Variants in FBXL7 observed in about 807,000 individuals in gnomAD.
FBXL7 encodes the protein F-box and leucine rich repeat protein 7, also known as F-box/LRR-repeat protein 7.
Under a neutral mutation model 38.3 loss-of-function variants are expected in FBXL7, and 12 were observed. The ratio of observed to expected loss-of-function variants is 0.31; its 90% CI spans 0.20 to 0.51. FBXL7 has a LOEUF of 0.51. FBXL7 is among the 20% of genes least tolerant of loss of function. The probability of loss-of-function intolerance (pLI) is 0.98; values close to 1 mark genes in which losing one functional copy is unlikely to be tolerated. For missense variants in FBXL7, 567 were observed against 676.4 expected, an observed-to-expected ratio of 0.84 and a Z score of 1.79; for synonymous variants, 297 against 300.9, an observed-to-expected ratio of 0.99 and a Z score of 0.13.
chr5:15,763,555 T>C (rs1357118909), intron 2 of FBXL7, among the ~76,000 whole-genome samples: 1 of 152,204 alleles, frequency 6.6e-6, no homozygotes, highest in South Asian at 2.1e-4. Flanking sequence ...AGGAATTCCT[T>C]TGATGAAAGG....
intron 2 of FBXL7, among the ~76,000 whole-genome samples, chr5:15,801,634 A>AGTGT (rs71605509): frequency 0.05 from 7,396 of 147,634 alleles, 203 homozygotes; most frequent in African/African-American, 0.069. Context: ...AGGGGGAGTC[A>AGTGT]GTGTGTGTGT....
intron 2 of FBXL7, among the ~76,000 whole-genome samples, chr5:15,693,839 C>T (rs567932081): frequency 1.3e-5 from 2 of 152,282 alleles, no homozygotes; most frequent in South Asian, 4.1e-4. Flanking sequence ...CTTCCCACTC[C>T]ATCCCCCTTC....
intron 2 of FBXL7, among the ~76,000 whole-genome samples, chr5:15,651,366 A>G (rs574984411): frequency 2.0e-5 from 3 of 152,236 alleles, no homozygotes; most frequent in African/African-American, 7.2e-5. Context: ...AAGTGCTGGG[A>G]TTACAAGCGT....
chr5:15,560,053 T>G (rs1738367109), intron 1 of FBXL7, among the ~76,000 whole-genome samples: 1 of 152,196 alleles, frequency 6.6e-6, no homozygotes, highest in African/African-American at 2.4e-5. Flanking sequence ...TTACAAATAT[T>G]TGTACCTTCC....
intron 1 of FBXL7, among the ~76,000 whole-genome samples, chr5:15,527,962 C>T (rs780325549): frequency 7.9e-5 from 12 of 152,138 alleles, no homozygotes; most frequent in Non-Finnish European, 1.0e-4. Context: ...AGAGAAAAGC[C>T]GTTCTCTTGA....
At chr5:15,516,557 A>T (rs981839376) in intron 1 of FBXL7, among the ~76,000 whole-genome samples, 1 of 152,104 alleles carries the variant, frequency 6.6e-6, no homozygotes, top group Non-Finnish European at 1.5e-5. Flanking sequence ...TCTATTCTAG[A>T]TTGATATGGT....
intron 2 of FBXL7, among the ~76,000 whole-genome samples, chr5:15,897,435 G>C (rs891982379): frequency 4.6e-5 from 7 of 152,238 alleles, no homozygotes; most frequent in South Asian, 2.1e-4. Flanking sequence ...GGAGTTTACA[G>C]TCTGGTAGTA....
At chr5:15,731,591 GA>G (rs888525580) in intron 2 of FBXL7, among the ~76,000 whole-genome samples, 14 of 150,662 alleles carry the variant, frequency 9.3e-5, no homozygotes, top group East Asian at 1.9e-4. Flanking sequence ...GCTTTGGGAT[GA>G]AAAAAAAATG....
chr5:15,598,471 C>T (rs1278233130), intron 1 of FBXL7, among the ~76,000 whole-genome samples: 1 of 152,134 alleles, frequency 6.6e-6, no homozygotes, highest in Non-Finnish European at 1.5e-5. Context: ...GCTGCAGTTC[C>T]AACGTTTACC....
At chr5:15,571,129 A>G (rs1239427992) in intron 1 of FBXL7, among the ~76,000 whole-genome samples, 2 of 152,000 alleles carry the variant, frequency 1.3e-5, no homozygotes, top group South Asian at 2.1e-4. Flanking sequence ...AAACTTTAAA[A>G]TGTCAATGTT....
chr5:15,833,408 A>G (rs1738509265), intron 2 of FBXL7, among the ~76,000 whole-genome samples: 1 of 152,168 alleles, frequency 6.6e-6, no homozygotes, highest in Admixed American at 6.5e-5. Flanking sequence ...ATTTTCTAAT[A>G]CCATCACCGA....
intron 1 of FBXL7, among the ~76,000 whole-genome samples, chr5:15,565,532 TATA>T (rs1738542797): frequency 6.6e-6 from 1 of 150,678 alleles, no homozygotes; most frequent in Admixed American, 6.6e-5. Flanking sequence ...TATTCTTAAT[TATA>T]ATCTTTATAT....
intron 2 of FBXL7, among the ~76,000 whole-genome samples, chr5:15,889,299 C>A (rs2126370618): frequency 6.6e-6 from 1 of 152,290 alleles, no homozygotes; most frequent in African/African-American, 2.4e-5. Context: ...TGATACACCC[C>A]CAAACATCCC....
intron 2 of FBXL7, among the ~76,000 whole-genome samples, chr5:15,900,537 A>G (rs946858122): frequency 2.0e-5 from 3 of 152,302 alleles, no homozygotes; most frequent in Admixed American, 6.5e-5. Context: ...TACTTTCTCA[A>G]TGAAATTCTT....
rs374608484 is a variant in FBXL7 at position 15,888,612 on chromosome 5, TGTGA to T, written c.128-39275_128-39272del. Among the ~76,000 whole-genome samples, 126 of 152,176 alleles carry T rather than the reference TGTGA, an allele frequency of 8.3e-4. 1 individual carries two copies. The East Asian group carries it at 0.02, about 24-fold the overall frequency. ...TTTTGTAAAGTGATTTTTTAAACCA[TGTGA>T]GTACTTCAGTAGACCATTTGGTCAG... is the stretch of plus-strand genomic sequence containing the variant. On this transcript the variant is annotated intron_variant, in intron 2 of 3. Transcript: ENST00000504595.
chr5:15,708,801 G>T (rs1406221152), intron 2 of FBXL7, among the ~76,000 whole-genome samples: 1 of 152,176 alleles, frequency 6.6e-6, no homozygotes, highest in Non-Finnish European at 1.5e-5. Context: ...AACCAGAAGA[G>T]CATGTTAAGT....
chr5:15,801,772 T>A (rs909212522), intron 2 of FBXL7, among the ~76,000 whole-genome samples: 10 of 151,754 alleles, frequency 6.6e-5, no homozygotes, highest in African/African-American at 2.4e-4. Flanking sequence ...TTGTTTCTAC[T>A]TAACACTGCT....
At chr5:15,557,629 G>A (rs1038652602) in intron 1 of FBXL7, among the ~76,000 whole-genome samples, 1 of 152,162 alleles carries the variant, frequency 6.6e-6, no homozygotes, top group Non-Finnish European at 1.5e-5. Flanking sequence ...AGCCTGCTTC[G>A]TGAAGGGTAA....
intron 1 of FBXL7, among the ~76,000 whole-genome samples, chr5:15,542,270 T>C (rs1022211554): frequency 6.6e-6 from 1 of 152,254 alleles, no homozygotes; most frequent in Non-Finnish European, 1.5e-5. Context: ...CCAAATAACT[T>C]TCTTGCAGAT....
Sources: allele counts gnomAD v4.1 joint callset (sites outside exome capture counted in the v4.1 genomes callset), GRCh38; gene constraint gnomAD v4.1.1; transcripts MANE v1.5; gene names NCBI Gene and HGNC (gene_info 2026-07-23, HGNC 2026-07-21).